The following MICU2 variants were observed in gnomAD, a reference collection of about 807,000 sequenced individuals.
MICU2 encodes the protein calcium uptake protein 2, mitochondrial.
Under a neutral mutation model 60.4 loss-of-function variants are expected in MICU2, and 64 were observed. That is an observed-to-expected ratio of 1.06 (90% CI 0.87 to 1.31). MICU2 has a LOEUF of 1.31. Ranked by LOEUF, MICU2 falls within the 50% of genes most tolerant of loss-of-function variation. The pLI, the probability that MICU2 is intolerant of heterozygous loss-of-function variation, is 0.00. For synonymous variants in MICU2, 201 were observed against 175.0 expected, an observed-to-expected ratio of 1.15 and a Z score of -1.17; for missense variants, 569 against 531.0, an observed-to-expected ratio of 1.07 and a Z score of -0.70.
intron 1 of MICU2, among the ~76,000 whole-genome samples, chr13:21,580,431 G>A (rs1003124297): frequency 4.6e-5 from 7 of 152,092 alleles, no homozygotes; most frequent in Admixed American, 2.0e-4. Context: ...ACTTATTGGC[G>A]AATCTACTCC....
chr13:21,595,030 A>C (rs1470430028), intron 1 of MICU2, among the ~76,000 whole-genome samples: 2 of 152,250 alleles, frequency 1.3e-5, no homozygotes, highest in African/African-American at 4.8e-5. Context: ...AACCAACTAA[A>C]GACAAAATTA....
chr13:21,539,498 T>A, intron 3 of MICU2, 121 bp from the exon 4 acceptor site: 1 of 1,272,078 alleles, frequency 7.9e-7, no homozygotes, highest in Non-Finnish European at 1.1e-6. Context: ...ACACAGGGCT[T>A]CACTGTGTTA....
chr13:21,529,687 T>C (rs1886940320), intron 4 of MICU2, among the ~76,000 whole-genome samples: 1 of 152,226 alleles, frequency 6.6e-6, no homozygotes, highest in African/African-American at 2.4e-5. Flanking sequence ...TCTCAGGCAC[T>C]GTGTCAGAAG....
At chr13:21,521,774 C>T (rs113171144) in intron 5 of MICU2, among the ~76,000 whole-genome samples, 2 of 152,122 alleles carry the variant, frequency 1.3e-5, no homozygotes, top group African/African-American at 2.4e-5. Context: ...TCCACAGAGT[C>T]CTCTAATTTT....
In MICU2 at chr13:21,582,124, C is replaced by T. The variant is rs556506240; in HGVS notation, c.211-15180G>A. On this transcript the variant is annotated intron_variant, in intron 1 of 11. Transcript: ENST00000382374. ...GTAGAGAAACAACTAAAGAGAAATA[C>T]GGGTGACAAGAGACTGGAGAGCAAG... 1.1e-3 allele frequency among the ~76,000 whole-genome samples: 173 copies of T among 152,202 alleles called. 2 individuals are homozygous for T. The highest frequency in any genetic ancestry group is 4.0e-3 in the African/African-American group (168 of 41,522).
At chr13:21,534,598 C>T (rs983394680) in intron 4 of MICU2, among the ~76,000 whole-genome samples, 3 of 152,164 alleles carry the variant, frequency 2.0e-5, no homozygotes, top group Non-Finnish European at 4.4e-5. Context: ...TTCATACTTT[C>T]AATACACAGA....
chr13:21,563,923 C>T (rs1195888852), intron 2 of MICU2, among the ~76,000 whole-genome samples: 1 of 152,020 alleles, frequency 6.6e-6, no homozygotes, highest in African/African-American at 2.4e-5. Context: ...GATCCTCAGC[C>T]TCTGAAGTAG....
chr13:21,604,095 C>CA lies in MICU2; in HGVS notation c.53dup (p.Arg19AlafsTer56). 6.3e-7 allele frequency: 1 copy of CA among 1,592,062 alleles called. No homozygotes were observed. Among genetic ancestry groups the CA allele is most frequent in the Non-Finnish European group, 8.5e-7 (1 of 1,171,116 alleles). ...GTCGGCTGACAGCGAGCCCCCGTCG[C>CA]AGTTTTCCGCCCCAGGCCGCCACCC... On this transcript the variant is annotated frameshift_variant, in exon 1 of 12. Transcript: ENST00000382374. LOFTEE classifies it high-confidence loss of function.
chr13:21,515,362 T>G (rs1886545299), intron 6 of MICU2, among the ~76,000 whole-genome samples: 1 of 152,180 alleles, frequency 6.6e-6, no homozygotes, highest in Non-Finnish European at 1.5e-5. Context: ...GATTATAGGC[T>G]TGAGCCACTG....
intron 10 of MICU2, 199 bp from the exon 11 acceptor site, chr13:21,495,517 G>T (rs953506322): frequency 1.9e-6 from 1 of 517,022 alleles, no homozygotes; most frequent in South Asian, 3.4e-5. Context: ...CAAGACAAAT[G>T]AGCTATTGTA....
chr13:21,569,350 C>G (rs1888054929), intron 1 of MICU2, among the ~76,000 whole-genome samples: 1 of 152,148 alleles, frequency 6.6e-6, no homozygotes, highest in Non-Finnish European at 1.5e-5. Context: ...CTCCCACTGG[C>G]AGCACTAATA....
chr13:21,500,016 T>G (rs768868817), intron 9 of MICU2, among the ~76,000 whole-genome samples: 6 of 152,094 alleles, frequency 3.9e-5, no homozygotes, highest in Non-Finnish European at 8.8e-5. Flanking sequence ...GAATACACAA[T>G]GCCTCCCACT....
chr13:21,558,941 T>C (rs1887772776), intron 2 of MICU2, among the ~76,000 whole-genome samples: 1 of 152,128 alleles, frequency 6.6e-6, no homozygotes. Context: ...GAAAGCCCTC[T>C]GAATGGGTAC....
At chr13:21,517,306 T>C (rs937734514) in intron 6 of MICU2, among the ~76,000 whole-genome samples, 1 of 152,232 alleles carries the variant, frequency 6.6e-6, no homozygotes, top group African/African-American at 2.4e-5. Flanking sequence ...TACATTTATG[T>C]TTTAGGTATT....
intron 1 of MICU2, among the ~76,000 whole-genome samples, chr13:21,569,703 T>A (rs1438804412): frequency 6.6e-6 from 1 of 151,458 alleles, no homozygotes; most frequent in African/African-American, 2.4e-5. Context: ...GTATCTAATG[T>A]TTATTAAGTA....
At chr13:21,526,123 T>TC in intron 4 of MICU2, among the ~76,000 whole-genome samples, 1 of 146,242 alleles carries the variant, frequency 6.8e-6, no homozygotes, top group East Asian at 2.0e-4. Context: ...CTTTTTTTTT[T>TC]TTTTTTTTTT....
intron 1 of MICU2, among the ~76,000 whole-genome samples, chr13:21,574,054 C>A (rs1434182877): frequency 6.6e-6 from 1 of 152,188 alleles, no homozygotes; most frequent in Non-Finnish European, 1.5e-5. Context: ...AACCAATGGA[C>A]TGGCAGGAGA....
chr13:21,495,121 TGAC>T (rs765825450), intron 11 of MICU2, 37 bp downstream of exon 11: 2 of 1,526,406 alleles, frequency 1.3e-6, no homozygotes, highest in Non-Finnish European at 1.8e-6. Context: ...TATCAGTTAA[TGAC>T]AATGTAAACA....
At chr13:21,586,868 T>C (rs919908609) in intron 1 of MICU2, among the ~76,000 whole-genome samples, 3 of 152,218 alleles carry the variant, frequency 2.0e-5, no homozygotes, top group Non-Finnish European at 4.4e-5. Flanking sequence ...CATTTAAATA[T>C]AGTATGTAAA....
Sources: gnomAD v4.1 joint callset for allele counts (sites outside exome capture counted in the v4.1 genomes callset) on GRCh38, gnomAD v4.1.1 for gene constraint, MANE v1.5 for transcripts, NCBI Gene and HGNC (gene_info 2026-07-23, HGNC 2026-07-21) for gene names.